The following PAK5 variants were observed in gnomAD, a reference collection of about 807,000 sequenced individuals.
The protein encoded by PAK5 is serine/threonine-protein kinase PAK 5.
A neutral mutation model predicts 65.9 loss-of-function variants in PAK5; 16 were observed. The observed-to-expected ratio is 0.24, with a 90% CI of 0.16 to 0.37. PAK5 has a LOEUF of 0.37. PAK5 is among the 10% of genes least tolerant of loss of function. PAK5 has a pLI of 1.00. For missense variants in PAK5, 785 were observed against 903.9 expected (o/e 0.87, Z 1.69); for synonymous variants, 371 against 354.9 (o/e 1.05, Z -0.51).
intron 6 of PAK5, among the ~76,000 whole-genome samples, chr20:9,559,433 GT>G (rs2045560036): frequency 6.6e-6 from 1 of 152,186 alleles, no homozygotes; most frequent in African/African-American, 2.4e-5. Flanking sequence ...AAGGTATAAA[GT>G]GGTAGCCAAT....
chr20:9,589,310 G>A (rs1056552421), intron 3 of PAK5, among the ~76,000 whole-genome samples: 42 of 152,260 alleles, frequency 2.8e-4, no homozygotes, highest in African/African-American at 9.9e-4. Flanking sequence ...GAAACATCAG[G>A]TAACATAGTC....
At chr20:9,581,043 G>A (rs1299112783) in intron 3 of PAK5, 113 bp from the exon 4 acceptor site, 4 of 719,594 alleles carry the variant, frequency 5.6e-6, no homozygotes, top group African/African-American at 1.8e-5. Flanking sequence ...AAAAGACCCC[G>A]GGAACACTTA....
chr20:9,816,845 T>C (rs2049363299), intron 1 of PAK5, among the ~76,000 whole-genome samples: 1 of 152,196 alleles, frequency 6.6e-6, no homozygotes, highest in South Asian at 2.1e-4. Flanking sequence ...TGGTATCAGT[T>C]CTATTTTTTC....
At position 9,705,424 on chromosome 20, in the gene PAK5, T is replaced by G. The variant is rs184162006; in HGVS notation, c.-12+5862A>C. 1.3e-3 allele frequency among the ~76,000 whole-genome samples: 204 copies of G among 152,286 alleles called. 1 individual carries two copies. The highest frequency in any genetic ancestry group is 4.5e-3 in the African/African-American group (187 of 41,560). On this transcript the variant is annotated intron_variant, in intron 2 of 9. Transcript: ENST00000353224. ...ATTAAGATATCAAGAACACCAGGCA[T>G]GAGGAGAATGGTGTTCAAAGGGAAT... is the stretch of plus-strand genomic sequence containing the variant.
At chr20:9,607,264 T>G (rs1263160779) in intron 3 of PAK5, among the ~76,000 whole-genome samples, 1 of 152,184 alleles carries the variant, frequency 6.6e-6, no homozygotes, top group African/African-American at 2.4e-5. Flanking sequence ...TGAACCTGAC[T>G]ATGAGAAAGT....
At chr20:9,598,114 C>G (rs1201893142) in intron 3 of PAK5, among the ~76,000 whole-genome samples, 3 of 152,200 alleles carry the variant, frequency 2.0e-5, no homozygotes, top group African/African-American at 7.2e-5. Flanking sequence ...TTCCCTCCCC[C>G]CATGACAGGC....
chr20:9,778,647 T>C (rs917139088), intron 1 of PAK5, among the ~76,000 whole-genome samples: 9 of 152,184 alleles, frequency 5.9e-5, no homozygotes, highest in African/African-American at 2.2e-4. Context: ...CTCTCCATAG[T>C]AATTGGAAAT....
intron 2 of PAK5, among the ~76,000 whole-genome samples, chr20:9,651,132 G>A (rs2047197581): frequency 6.6e-6 from 1 of 152,154 alleles, no homozygotes; most frequent in African/African-American, 2.4e-5. Context: ...CTGAATCTGA[G>A]TCCTGCTACA....
rs1030763317 is a variant in PAK5 at position 9,537,373 on chromosome 20, C to G, written c.*2089G>C. On this transcript the variant is annotated 3_prime_UTR_variant, in exon 10 of 10. Transcript: ENST00000353224. ...AAATAAATTTGAGAAATCACTGTTT[C>G]CAATAACACAATGGGGAAAAGGCAA... 1 of 189,044 alleles carries G rather than the reference C, an allele frequency of 5.3e-6. No homozygotes were observed. Among genetic ancestry groups the G allele is most frequent in the Non-Finnish European group, 1.1e-5 (1 of 89,586 alleles). The allele number at this position is 189,044 out of a possible 1,614,324, so 11.7% of individuals were successfully genotyped here. A position where few individuals can be genotyped will look rare whatever the true frequency, so the allele number is the denominator to read the frequency against.
intron 1 of PAK5, among the ~76,000 whole-genome samples, chr20:9,826,928 C>A (rs1391350495): frequency 6.6e-6 from 1 of 152,174 alleles, no homozygotes; most frequent in East Asian, 1.9e-4. Context: ...TTTCAAGAAG[C>A]TCAGTTTATT....
At chr20:9,605,819 A>T (rs992916416) in intron 3 of PAK5, among the ~76,000 whole-genome samples, 1 of 152,158 alleles carries the variant, frequency 6.6e-6, no homozygotes, top group Non-Finnish European at 1.5e-5. Flanking sequence ...AATACCAGCT[A>T]CTGGGGAGGC....
chr20:9,746,216 C>T (rs1197993077), intron 1 of PAK5, among the ~76,000 whole-genome samples: 1 of 152,128 alleles, frequency 6.6e-6, no homozygotes, highest in Non-Finnish European at 1.5e-5. Flanking sequence ...CTGCCCCACA[C>T]ACCCTGGACA....
intron 4 of PAK5, among the ~76,000 whole-genome samples, chr20:9,572,064 GT>G (rs35823620): frequency 0.35 from 45,940 of 132,998 alleles, 8,535 homozygotes; most frequent in African/African-American, 0.57. Context: ...CAAATTAAGG[GT>G]TTTTTTTTTT....
chr20:9,705,433 T>C (rs571055191), intron 2 of PAK5, among the ~76,000 whole-genome samples: 2 of 152,136 alleles, frequency 1.3e-5, no homozygotes, highest in Non-Finnish European at 2.9e-5. Flanking sequence ...ATGAGGAGAA[T>C]GGTGTTCAAA....
chr20:9,646,566 AG>A (rs928059885), intron 2 of PAK5, among the ~76,000 whole-genome samples: 1 of 152,236 alleles, frequency 6.6e-6, no homozygotes, highest in Admixed American at 6.5e-5. Flanking sequence ...AGTGTCAAGA[AG>A]TAAAGGAACC....
At chr20:9,730,102 C>G (rs182385133) in intron 1 of PAK5, among the ~76,000 whole-genome samples, 2 of 147,296 alleles carry the variant, frequency 1.4e-5, no homozygotes, top group Non-Finnish European at 3.0e-5. Flanking sequence ...CTCCTAAAAA[C>G]AGTCATAAAA....
intron 3 of PAK5, among the ~76,000 whole-genome samples, chr20:9,590,377 G>A (rs1448671657): frequency 1.3e-5 from 2 of 152,152 alleles, no homozygotes; most frequent in Non-Finnish European, 2.9e-5. Context: ...GAAGCCATGT[G>A]ACTCATGGGC....
intron 2 of PAK5, among the ~76,000 whole-genome samples, chr20:9,689,216 C>T (rs1359699025): frequency 1.3e-5 from 2 of 152,120 alleles, no homozygotes; most frequent in Admixed American, 6.6e-5. Context: ...CTGCAGAAAC[C>T]GTGGGAGGTT....
intron 3 of PAK5, among the ~76,000 whole-genome samples, chr20:9,589,298 T>C (rs888241770): frequency 6.6e-6 from 1 of 152,222 alleles, no homozygotes; most frequent in Non-Finnish European, 1.5e-5. Flanking sequence ...GGCAGGTAGC[T>C]GGAAACATCA....
Sources: allele counts gnomAD v4.1 joint callset (sites outside exome capture counted in the v4.1 genomes callset), GRCh38; gene constraint gnomAD v4.1.1; transcripts MANE v1.5; gene names NCBI Gene and HGNC (gene_info 2026-07-23, HGNC 2026-07-21).